Variants in PEX10 observed in about 807,000 individuals in gnomAD.
PEX10 encodes the protein peroxisomal biogenesis factor 10, also known as peroxisome biogenesis factor 10.
Under a neutral mutation model 38.0 loss-of-function variants are expected in PEX10, and 32 were observed. The ratio of observed to expected loss-of-function variants is 0.84; its 90% CI spans 0.63 to 1.13. PEX10 has a LOEUF of 1.13. Ranked by LOEUF, PEX10 falls within the 50% of genes most tolerant of loss-of-function variation. PEX10 has a pLI of 0.00. For synonymous variants in PEX10, 206 were observed against 207.3 expected (o/e 0.99, Z 0.05); for missense variants, 483 against 457.7 (o/e 1.06, Z -0.51).
upstream of PEX10, among the ~76,000 whole-genome samples, chr1:2,413,440 C>T (rs924838240): frequency 6.6e-6 from 1 of 152,244 alleles, no homozygotes; most frequent in African/African-American, 2.4e-5. Context: ...GGGGACAGAA[C>T]CTTCCCCAGC....
intron 1 of PEX10, 33 bp downstream of exon 1, chr1:2,412,358 T>C: frequency 7.4e-7 from 1 of 1,351,392 alleles, no homozygotes; most frequent in East Asian, 3.1e-5. Context: ...CCTGGGCCGC[T>C]CGCGAGGACG....
Position 2,406,471 on chromosome 1 carries a change from G to C in PEX10, c.912+13C>G, listed in dbSNP as rs753953758. The C allele has an allele frequency of 1.2e-5, 19 of 1,610,136 alleles. No homozygotes were observed. In the East Asian group the frequency reaches 2.0e-4, roughly 17 times the overall value. On this transcript the variant is annotated intron_variant, in intron 5 of 5. Coordinates refer to ENST00000447513, the MANE Select transcript of PEX10 (RefSeq NM_002617.4). ...GCTGACCACCCCAGGACGGCAGCAG[G>C]CTCCCACCTCACCTTGCTGCTGCAC...
rs753786568 is a variant in PEX10 at position 2,412,435 on chromosome 1, C to A, written c.68G>T (p.Gly23Val). ...RAAQKDEYYR[G>V]GLRSAAGGAL... ...GCCGCCCGCCGCGCTCCGCAGCCCA[C>A]CGCGGTAGTACTCGTCCTTCTGCGC... Residue 23 changes from glycine to valine, a missense_variant, in exon 1 of 6, where the codon GGT (glycine) becomes GTT (valine). Gly to Val is a moderately radical substitution (Grantham distance 109). Transcript: ENST00000447513. The A allele has an allele frequency of 2.1e-6, 3 of 1,428,180 alleles. No homozygotes were observed. The highest frequency in any genetic ancestry group is 6.1e-5 in the East Asian group (2 of 32,964). The allele number at this position is 1,428,180 out of a possible 1,614,324, so 88.5% of individuals were successfully genotyped here.
chr1:2,411,497 T>G (rs1403551764), intron 1 of PEX10, among the ~76,000 whole-genome samples: 2 of 151,710 alleles, frequency 1.3e-5, no homozygotes. Context: ...CCTCCCAAAG[T>G]GCTGGGATTA....
At position 2,412,505 on chromosome 1, in the gene PEX10, C is replaced by G. The variant is rs749847706; in HGVS notation, c.-3G>C. The G allele has an allele frequency of 5.9e-6, 8 of 1,357,934 alleles. No homozygotes were observed. In the Admixed American group the frequency reaches 2.8e-4, roughly 48 times the overall value. 84.1% of individuals were successfully genotyped at this position (1,357,934 alleles called of 1,614,324 possible). ...GGGCTGGCGGCGGCCGGGGCCATGG[C>G]CGCGGGTTCGGGTGGTCCCGAGCAG... is the stretch of plus-strand genomic sequence containing the variant. On this transcript the variant is annotated 5_prime_UTR_variant, in exon 1 of 6. Coordinates refer to ENST00000447513, the MANE Select transcript of PEX10 (RefSeq NM_002617.4).
intron 1 of PEX10, among the ~76,000 whole-genome samples, chr1:2,411,288 T>A (rs1643200215): frequency 7.0e-6 from 1 of 142,474 alleles, no homozygotes; most frequent in South Asian, 2.2e-4. Flanking sequence ...CAGACTGGAG[T>A]GCAGTGGCAC....
At chr1:2,412,271 G>A (rs985542070) in intron 1 of PEX10, 120 bp downstream of exon 1, 148 of 1,243,006 alleles carry the variant, frequency 1.2e-4, no homozygotes, top group Non-Finnish European at 1.4e-4. Flanking sequence ...AGACTGCCGG[G>A]TCCCAGGTTG....
At chr1:2,412,294 A>C (rs945273601) in intron 1 of PEX10, 97 bp downstream of exon 1, 6 of 1,256,094 alleles carry the variant, frequency 4.8e-6, no homozygotes, top group South Asian at 2.7e-5. Flanking sequence ...GGACGGGCCC[A>C]GGCGACCGTG....
At chr1:2,412,306 C>G in intron 1 of PEX10, 85 bp downstream of exon 1, 1 of 1,273,244 alleles carries the variant, frequency 7.9e-7, no homozygotes, top group Non-Finnish European at 9.9e-7. Flanking sequence ...GCGACCGTGA[C>G]CACACACGGC....
rs536532078 is a variant in PEX10 at position 2,410,634 on chromosome 1, G to T, written c.113-183C>A. Reference sequence around the variant, plus strand: ...GGAGGCACCACCTTGACTTGCCTTAGCGTGAGCTGCAGACAGTCTGCGAAG... The same window carrying T: ...GGAGGCACCACCTTGACTTGCCTTATCGTGAGCTGCAGACAGTCTGCGAAG... On this transcript the variant is annotated intron_variant, in intron 1 of 5. Transcript: ENST00000447513. This position sits in a 1 kb window ranked among gnomAD's most constrained non-coding sequence, Gnocchi z 5.1. The T allele has an allele frequency of 2.1e-5, 14 of 655,484 alleles. No homozygotes were observed. Among genetic ancestry groups the T allele is most frequent in the African/African-American group, 2.0e-4 (11 of 56,158 alleles). 40.6% of individuals were successfully genotyped at this position (655,484 alleles called of 1,614,324 possible).
rs1238631130 is a variant in PEX10 at position 2,404,707 on chromosome 1, G to T, written c.*1059C>A. ...CGGGTCTTTGCCGGAAGCCGGTCCT[G>T]CTGGCCAGGTGTTTTACGTCAGCAG... is the stretch of plus-strand genomic sequence containing the variant. On this transcript the variant is annotated 3_prime_UTR_variant, in exon 6 of 6. Coordinates refer to ENST00000447513, the MANE Select transcript of PEX10 (RefSeq NM_002617.4). 1 of 152,290 alleles carries T rather than the reference G, an allele frequency of 6.6e-6. No homozygotes were observed. The highest frequency in any genetic ancestry group is 1.5e-5 in the Non-Finnish European group (1 of 68,046). 9.4% of individuals were successfully genotyped at this position (152,290 alleles called of 1,614,324 possible).
In PEX10 at chr1:2,409,108, T is replaced by C. The variant is rs1643106240; in HGVS notation, c.194-250A>G. Among the ~76,000 whole-genome samples the C allele has an allele frequency of 1.3e-5, 2 of 152,072 alleles. No individual in the cohort carries two copies. Among genetic ancestry groups the C allele is most frequent in the African/African-American group, 4.8e-5 (2 of 41,386 alleles). On this transcript the variant is annotated intron_variant, in intron 2 of 5. Transcript: ENST00000447513. The surrounding 1 kb of genome is among the most constrained non-coding windows in gnomAD (Gnocchi z 6.2). ...GGCTCCCAGGGCCTTGGCTGGCCAG[T>C]GTCCCTCCCTCTCTTGGCTTCTCCC...
chr1:2,408,411 G>A, intron 3 of PEX10, 41 bp downstream of exon 3: 1 of 1,609,926 alleles, frequency 6.2e-7, no homozygotes, highest in Non-Finnish European at 8.5e-7. Flanking sequence ...GGGGTGACAA[G>A]GACGGCCTAA....
intron 5 of PEX10, 78 bp downstream of exon 5, chr1:2,406,406 C>G (rs990106447): frequency 6.3e-7 from 1 of 1,581,300 alleles, no homozygotes; most frequent in Non-Finnish European, 8.6e-7. Context: ...GCCAGACTCC[C>G]CACTTCTGCT....
rs1051893359 is a variant in PEX10, at chr1:2,404,926, G to A, written c.*840C>T. 1.3e-5 allele frequency: 2 copies of A among 152,936 alleles called. No individual in the cohort carries two copies. Among genetic ancestry groups the A allele is most frequent in the Admixed American group, 1.3e-4 (2 of 15,306 alleles). The allele number at this position is 152,936 out of a possible 1,614,324, so 9.5% of individuals were successfully genotyped here. On this transcript the variant is annotated 3_prime_UTR_variant, in exon 6 of 6. Transcript: ENST00000447513. Reference sequence around the variant, plus strand: ...TCAAATGGAGGCGGGAAATAGGCTGGGGCCGAGCTGAGGGGCTGAACACAG... The same window carrying A: ...TCAAATGGAGGCGGGAAATAGGCTGAGGCCGAGCTGAGGGGCTGAACACAG...
intron 1 of PEX10, among the ~76,000 whole-genome samples, 171 bp downstream of exon 1, chr1:2,412,220 G>A (rs1570121927): frequency 6.6e-6 from 1 of 152,264 alleles, no homozygotes; most frequent in African/African-American, 2.4e-5. Context: ...AGGGCAGGAG[G>A]TGCCCCGCAC....
rs1415518478 is a variant in PEX10, at chr1:2,405,029, A to T, written c.*737T>A. 6.5e-6 allele frequency: 1 copy of T among 154,436 alleles called. No individual in the cohort carries two copies. The highest frequency in any genetic ancestry group is 1.4e-5 in the Non-Finnish European group (1 of 69,376). The allele number at this position is 154,436 out of a possible 1,614,324, so 9.6% of individuals were successfully genotyped here. On this transcript the variant is annotated 3_prime_UTR_variant, in exon 6 of 6. Transcript: ENST00000447513. ...CTCGGGCGCCCCTGGCAGCCCCCAT[A>T]CCCCCAGGACCTGGCTCGTGAGTGC...
intron 3 of PEX10, among the ~76,000 whole-genome samples, chr1:2,407,805 T>TG (rs1643059046): frequency 6.6e-6 from 1 of 152,108 alleles, no homozygotes; most frequent in Non-Finnish European, 1.5e-5. Flanking sequence ...CTCAGAGGGC[T>TG]GTTCTGGAAG....
chr1:2,408,160 C>G (rs1570104308), intron 3 of PEX10, among the ~76,000 whole-genome samples: 1 of 152,204 alleles, frequency 6.6e-6, no homozygotes, highest in South Asian at 2.1e-4. Context: ...TGACCCGGGG[C>G]CCCCCGGTCA....
Sources: allele counts gnomAD v4.1 joint callset (sites outside exome capture counted in the v4.1 genomes callset), GRCh38; gene constraint gnomAD v4.1.1; non-coding constraint Gnocchi (gnomAD v3.1); transcripts MANE v1.5; gene names NCBI Gene and HGNC (gene_info 2026-07-23, HGNC 2026-07-21).